Variants in MYO3B observed in about 807,000 individuals in gnomAD.
The protein encoded by MYO3B is myosin-IIIb.
MYO3B carries 156 observed loss-of-function variants against 174.6 expected under a neutral mutation model. The ratio of observed to expected loss-of-function variants is 0.89; its 90% CI spans 0.78 to 1.02. MYO3B has a LOEUF of 1.02. Among genes scored for constraint, MYO3B ranks in the 50% least tolerant of loss-of-function variants. The pLI, the probability that MYO3B is intolerant of heterozygous loss-of-function variation, is 0.00. For missense variants in MYO3B, 1,632 were observed against 1,639.4 expected, an observed-to-expected ratio of 1.00 and a Z score of 0.08; for synonymous variants, 563 against 569.1, an observed-to-expected ratio of 0.99 and a Z score of 0.15.
At position 170,466,580 on chromosome 2, in the gene MYO3B, T is replaced by A. The variant is rs1028606901; in HGVS notation, c.2883T>A (p.Asp961Glu). Reference protein sequence around the residue: ...PHFVRCIKPNDDREALQFSRE... With the variant: ...PHFVRCIKPNEDREALQFSRE... ...TTGTGCGCTGCATTAAACCCAATGA[T>A]GACCGAGAGGCCCTGCAGTTCTCTC... is the stretch of plus-strand genomic sequence containing the variant. The change falls in exon 25 of 35, where the codon GAT becomes GAA. Residue 961 changes from aspartate to glutamate, a missense_variant. Coordinates refer to ENST00000408978, the MANE Select transcript of MYO3B (RefSeq NM_138995.5). 8 of 1,614,102 alleles carry A rather than the reference T, an allele frequency of 5.0e-6. No homozygotes were observed. The African/African-American group carries it at 1.1e-4, about 22-fold the overall frequency.
intron 32 of MYO3B, among the ~76,000 whole-genome samples, chr2:170,638,062 C>G (rs189941537): frequency 3.8e-4 from 57 of 150,392 alleles, no homozygotes; most frequent in African/African-American, 1.0e-3. Context: ...TACTGACATT[C>G]TTTTCTATTT....
chr2:170,335,046 C>G lies in MYO3B; in HGVS notation c.750-339C>G, dbSNP rs183860211. Among the ~76,000 whole-genome samples, 109 of 152,258 alleles carry G rather than the reference C, an allele frequency of 7.2e-4. 1 individual carries two copies. The highest frequency in any genetic ancestry group is 1.3e-3 in the Non-Finnish European group (87 of 68,026). On this transcript the variant is annotated intron_variant, in intron 7 of 34. Coordinates refer to ENST00000408978, the MANE Select transcript of MYO3B (RefSeq NM_138995.5). ...AAAGCCCCTAGCACTATGTTTAGAG[C>G]TTTCTTATAGCACTAATAATCCTCA... is the stretch of plus-strand genomic sequence containing the variant.
At chr2:170,576,286 A>T (rs1692776095) in intron 32 of MYO3B, among the ~76,000 whole-genome samples, 1 of 152,210 alleles carries the variant, frequency 6.6e-6, no homozygotes, top group Non-Finnish European at 1.5e-5. Context: ...ACCTCTGTGT[A>T]GGGTTACTGT....
intron 7 of MYO3B, among the ~76,000 whole-genome samples, chr2:170,247,586 T>C (rs1373299443): frequency 2.0e-5 from 3 of 152,196 alleles, no homozygotes; most frequent in African/African-American, 7.2e-5. Context: ...TTAGACTGGG[T>C]AGCTTACAGA....
At chr2:170,527,283 A>C (rs1689064998) in intron 30 of MYO3B, among the ~76,000 whole-genome samples, 1 of 152,220 alleles carries the variant, frequency 6.6e-6, no homozygotes, top group East Asian at 1.9e-4. Context: ...GGAATAAGGC[A>C]CCAAGATATG....
At chr2:170,639,780 C>T (rs1697819717) in intron 32 of MYO3B, among the ~76,000 whole-genome samples, 1 of 152,172 alleles carries the variant, frequency 6.6e-6, no homozygotes, top group Non-Finnish European at 1.5e-5. Context: ...ACTACAACCT[C>T]CAGAAGAGCA....
chr2:170,638,109 T>TCA (rs58917057), intron 32 of MYO3B, among the ~76,000 whole-genome samples: 3,915 of 150,486 alleles, frequency 0.026, 77 homozygotes, highest in Non-Finnish European at 0.038. Flanking sequence ...TCTCTCTCTC[T>TCA]CACACACACA....
chr2:170,226,468 C>G (rs7578306), intron 6 of MYO3B, among the ~76,000 whole-genome samples: 8,233 of 152,160 alleles, frequency 0.054, 402 homozygotes, highest in African/African-American at 0.13. Flanking sequence ...ACAACCCAGA[C>G]GCTCAGTGTT....
chr2:170,486,561 A>G (rs1575059138), intron 25 of MYO3B, among the ~76,000 whole-genome samples: 1 of 152,188 alleles, frequency 6.6e-6, no homozygotes, highest in South Asian at 2.1e-4. Flanking sequence ...TCGGCCTCCC[A>G]GAGTGCTGGG....
chr2:170,498,496 A>G (rs953204353), intron 25 of MYO3B, 96 bp from the exon 26 acceptor site: 4 of 773,560 alleles, frequency 5.2e-6, no homozygotes, highest in African/African-American at 1.7e-5. Context: ...AATATTTACT[A>G]TTAAAAAACA....
chr2:170,633,014 A>G (rs533676445), intron 32 of MYO3B, among the ~76,000 whole-genome samples: 2 of 152,336 alleles, frequency 1.3e-5, no homozygotes, highest in East Asian at 1.9e-4. Flanking sequence ...AGGGTCAGAC[A>G]GATTCACAGC....
At chr2:170,271,384 T>C (rs940588667) in intron 7 of MYO3B, among the ~76,000 whole-genome samples, 1 of 152,196 alleles carries the variant, frequency 6.6e-6, no homozygotes, top group African/African-American at 2.4e-5. Flanking sequence ...CCTACAGATA[T>C]AAATAAATCA....
intron 6 of MYO3B, among the ~76,000 whole-genome samples, chr2:170,225,823 G>T (rs4668223): frequency 1.3e-5 from 2 of 151,986 alleles, no homozygotes; most frequent in Non-Finnish European, 2.9e-5. Flanking sequence ...TGCCTGAAAA[G>T]ATAAAATGAA....
intron 25 of MYO3B, 22 bp from the exon 26 acceptor site, chr2:170,498,565 GCTTCA>G: frequency 6.6e-7 from 1 of 1,505,022 alleles, no homozygotes; most frequent in Non-Finnish European, 9.2e-7. Flanking sequence ...GACTGAAAAG[GCTTCA>G]CTTAATTCTT....
intron 22 of MYO3B, among the ~76,000 whole-genome samples, chr2:170,438,264 G>GT (rs983243989): frequency 2.7e-4 from 40 of 150,800 alleles, no homozygotes; most frequent in Admixed American, 1.6e-3. Context: ...GGATTTCCTT[G>GT]TTTTTTTTTA....
intron 8 of MYO3B, among the ~76,000 whole-genome samples, chr2:170,358,202 A>G (rs1256017495): frequency 3.3e-5 from 5 of 152,264 alleles, no homozygotes; most frequent in African/African-American, 9.6e-5. Flanking sequence ...GTGTCTATCA[A>G]CTGATAGACG....
At chr2:170,442,708 T>C (rs1574985926) in intron 22 of MYO3B, among the ~76,000 whole-genome samples, 1 of 152,126 alleles carries the variant, frequency 6.6e-6, no homozygotes, top group African/African-American at 2.4e-5. Flanking sequence ...TGCGTCCAAG[T>C]GTTCTCATTG....
At position 170,612,710 on chromosome 2, in the gene MYO3B, C is replaced by T. The variant is rs116247512; in HGVS notation, c.3734-38918C>T. ...GGTGCAACATGGCAATGGATATTTGCGCTCATTTTACCTTACCTAGCCTAG... is the reference window on the plus strand; with the variant it reads ...GGTGCAACATGGCAATGGATATTTGTGCTCATTTTACCTTACCTAGCCTAG... On this transcript the variant is annotated intron_variant, in intron 32 of 34. Coordinates refer to ENST00000408978, the MANE Select transcript of MYO3B (RefSeq NM_138995.5). 9.8e-3 allele frequency among the ~76,000 whole-genome samples: 1,493 copies of T among 152,278 alleles called. 32 individuals are homozygous for T. The highest frequency in any genetic ancestry group is 0.033 in the African/African-American group (1,380 of 41,546).
At chr2:170,388,019 TATAATA>T (rs919470797) in intron 14 of MYO3B, among the ~76,000 whole-genome samples, 15 of 151,968 alleles carry the variant, frequency 9.9e-5, no homozygotes, top group African/African-American at 3.1e-4. Flanking sequence ...CTCTTCCTAT[TATAATA>T]ATAACTCTTC....
Sources: allele counts gnomAD v4.1 joint callset (sites outside exome capture counted in the v4.1 genomes callset), GRCh38; gene constraint gnomAD v4.1.1; transcripts MANE v1.5; gene names NCBI Gene and HGNC (gene_info 2026-07-23, HGNC 2026-07-21).